The following NID2 variants were observed in gnomAD, a reference collection of about 807,000 sequenced individuals.
NID2 encodes the protein nidogen 2.
In NID2, 83 loss-of-function variants were observed where a neutral mutation model predicts 145.4. That is an observed-to-expected ratio of 0.57 (90% CI 0.48 to 0.69). The LOEUF is 0.69. NID2 is among the 30% of genes least tolerant of loss of function. The probability of loss-of-function intolerance (pLI) is 0.00; values close to 1 mark genes in which losing one functional copy is unlikely to be tolerated. For missense variants in NID2, 1,807 were observed against 1,765.7 expected, an observed-to-expected ratio of 1.02 and a Z score of -0.42; for synonymous variants, 739 against 701.3, an observed-to-expected ratio of 1.05 and a Z score of -0.85.
At chr14:52,019,429 T>C in intron 13 of NID2, 135 bp from the exon 14 acceptor site, 1 of 641,682 alleles carries the variant, frequency 1.6e-6, no homozygotes, top group Admixed American at 3.0e-5. Context: ...TATAATACCT[T>C]GCCACTATTT....
intron 8 of NID2, among the ~76,000 whole-genome samples, chr14:52,040,071 G>C (rs544478732): frequency 6.6e-6 from 1 of 152,270 alleles, no homozygotes; most frequent in East Asian, 1.9e-4. Context: ...CTCCCAAGTA[G>C]CTGGGATCGC....
intron 5 of NID2, among the ~76,000 whole-genome samples, chr14:52,045,632 T>G (rs1257795093): frequency 6.6e-6 from 1 of 150,688 alleles, no homozygotes; most frequent in African/African-American, 2.4e-5. Flanking sequence ...TGTCTATTAG[T>G]TTAAGAAAGG....
chr14:52,042,189 G>A lies in NID2; in HGVS notation c.1741C>T (p.Leu581Phe). Residue 581 changes from leucine (L) to phenylalanine (F), a missense_variant, in exon 7 of 22, where the codon CTC (leucine) becomes TTC (phenylalanine). Physicochemically the swap from Leu to Phe is conservative, Grantham distance 22 (BLOSUM62 0). Coordinates refer to ENST00000216286, the MANE Select transcript of NID2 (RefSeq NM_007361.4). Reference protein sequence around the residue: ...HIPQPAAQALLPLTPIGGLFG... With the variant: ...HIPQPAAQALFPLTPIGGLFG... ...AGGCCTCCAATTGGTGTGAGGGGGA[G>A]GAGGGCCTGGGCTGCTGGCTGTGGG... is the stretch of plus-strand genomic sequence containing the variant. 6.2e-7 allele frequency: 1 copy of A among 1,614,210 alleles called. No individual in the cohort carries two copies. The highest frequency in any genetic ancestry group is 8.5e-7 in the Non-Finnish European group (1 of 1,180,026).
chr14:52,030,567 A>AGATAAGAGAAC (rs66551436), intron 9 of NID2, among the ~76,000 whole-genome samples: 4 of 99,272 alleles, frequency 4.0e-5, no homozygotes, highest in African/African-American at 1.5e-4. Context: ...AAAGAAAGAA[A>AGATAAGAGAAC]GGAAGGAAGG....
At chr14:52,054,421 G>T in intron 3 of NID2, 100 bp from the exon 4 acceptor site, 2 of 1,206,084 alleles carry the variant, frequency 1.7e-6, no homozygotes, top group Non-Finnish European at 2.3e-6. Flanking sequence ...CGGAAAGACA[G>T]CTGGGCATGG....
chr14:52,048,329 G>C (rs969725949), intron 5 of NID2, among the ~76,000 whole-genome samples: 1 of 152,196 alleles, frequency 6.6e-6, no homozygotes, highest in Non-Finnish European at 1.5e-5. Flanking sequence ...GAGCTAGAAC[G>C]GTGCTGAGCC....
chr14:52,027,633 T>TACACAC (rs59049676), intron 11 of NID2, among the ~76,000 whole-genome samples: 15,229 of 144,090 alleles, frequency 0.11, 841 homozygotes, highest in Middle Eastern at 0.12. Flanking sequence ...GAGCAATTGC[T>TACACAC]ACACACACAC....
At position 52,015,239 on chromosome 14, in the gene NID2, C is replaced by T; in HGVS notation, c.3065G>A (p.Trp1022Ter). Residue 1022 changes from tryptophan to a stop codon, truncating the protein, a stop_gained, in exon 15 of 22, where the codon TGG (tryptophan) becomes TAG (stop). Coordinates refer to ENST00000216286, the MANE Select transcript of NID2 (RefSeq NM_007361.4). LOFTEE classifies it high-confidence loss of function. Reference protein sequence around the residue: ...TQRPPTICERWRENLLEHYGG... With the variant: ...TQRPPTICER ...GTAGTGCTCCAGCAGGTTTTCCCTC[C>T]AGCGCTCACAGATGGTCGGGGGCCT... 1 of 1,613,334 alleles carries T rather than the reference C, an allele frequency of 6.2e-7. No individual in the cohort carries two copies.
chr14:52,019,025 G>C (rs1419422720), intron 14 of NID2, 36 bp downstream of exon 14: 1 of 1,533,816 alleles, frequency 6.5e-7, no homozygotes, highest in African/African-American at 1.4e-5. Context: ...TACCACCAGT[G>C]CCATTCTGCT....
intron 5 of NID2, among the ~76,000 whole-genome samples, chr14:52,049,802 A>G (rs1892628249): frequency 6.6e-6 from 1 of 152,126 alleles, no homozygotes; most frequent in African/African-American, 2.4e-5. Flanking sequence ...CTGGCATGAC[A>G]CTAACAGGCT....
chr14:52,056,060 A>G (rs1892835928), intron 3 of NID2, among the ~76,000 whole-genome samples: 2 of 152,236 alleles, frequency 1.3e-5, no homozygotes, highest in South Asian at 4.1e-4. Context: ...TGCTATACAT[A>G]TTTGTTAAGT....
At chr14:52,040,570 G>T in intron 8 of NID2, 81 bp downstream of exon 8, 1 of 1,193,166 alleles carries the variant, frequency 8.4e-7, no homozygotes, top group Non-Finnish European at 1.3e-6. Flanking sequence ...GACATGCCAT[G>T]TAAGTCATTT....
intron 14 of NID2, 143 bp from the exon 15 acceptor site, chr14:52,015,418 C>A: frequency 1.5e-6 from 1 of 687,726 alleles, no homozygotes; most frequent in Non-Finnish European, 2.4e-6. Flanking sequence ...CCGTGGACAC[C>A]AAACTTGGGA....
chr14:52,037,042 A>C (rs1892097817), intron 9 of NID2, among the ~76,000 whole-genome samples: 1 of 152,152 alleles, frequency 6.6e-6, no homozygotes, highest in Admixed American at 6.6e-5. Flanking sequence ...TACCTAAGAA[A>C]CCATTAGCAA....
intron 12 of NID2, among the ~76,000 whole-genome samples, chr14:52,023,987 CAT>C (rs534539381): frequency 4.7e-4 from 72 of 152,232 alleles, no homozygotes; most frequent in Non-Finnish European, 9.1e-4. Context: ...CACTGAGACA[CAT>C]GTACCCTATG....
chr14:52,019,239 C>G lies in NID2; in HGVS notation c.2850G>C (p.Gln950His). 1 of 1,610,416 alleles carries G rather than the reference C, an allele frequency of 6.2e-7. No homozygotes were observed. Among genetic ancestry groups the G allele is most frequent in the Non-Finnish European group, 8.5e-7 (1 of 1,176,886 alleles). The change falls in exon 14 of 22, where the codon CAG becomes CAC. Residue 950 changes from glutamine (Q) to histidine (H), a missense_variant. Physicochemically the swap from Gln to His is conservative, Grantham distance 24 (BLOSUM62 0). Coordinates refer to ENST00000216286, the MANE Select transcript of NID2 (RefSeq NM_007361.4). ...GGAACCGGGCCCCAGGGTAGGCATA[C>G]TGGGCCTGGGCATGGCGCTGCTGTT... is the stretch of plus-strand genomic sequence containing the variant. ...CEQQQRHAQA[Q>H]YAYPGARFHI... is the part of the protein sequence containing the mutation.
At chr14:52,061,025 C>T (rs1238668602) in intron 2 of NID2, among the ~76,000 whole-genome samples, 1 of 152,164 alleles carries the variant, frequency 6.6e-6, no homozygotes, top group East Asian at 1.9e-4. Context: ...AGCTCTAGAG[C>T]CCACACCCTA....
rs1892177114 is a variant in NID2 at position 52,038,953 on chromosome 14, T to C, written c.2051A>G (p.Asp684Gly). Residue 684 changes from aspartate to glycine, a missense_variant, in exon 9 of 22, where the codon GAC (aspartate) becomes GGC (glycine). Asp to Gly is a moderately conservative substitution (Grantham distance 94). Transcript: ENST00000216286. ...GATTGCACCAAAAGTCAGAGAGTAG[T>C]CTCTGGAACTTGTAGAGGTCACAGC... The part of the protein sequence containing the change: ...DSTVTSTSSR[D>G]YSLTFGAINQ... The C allele has an allele frequency of 6.2e-7, 1 of 1,613,412 alleles. No individual in the cohort carries two copies. The highest frequency in any genetic ancestry group is 8.5e-7 in the Non-Finnish European group (1 of 1,179,768).
intron 5 of NID2, among the ~76,000 whole-genome samples, chr14:52,047,970 C>G (rs565362352): frequency 4.6e-5 from 7 of 151,814 alleles, no homozygotes; most frequent in Non-Finnish European, 1.0e-4. Flanking sequence ...CTACCAGTTC[C>G]ACTCTCTGGG....
Sources: allele counts gnomAD v4.1 joint callset (sites outside exome capture counted in the v4.1 genomes callset), GRCh38; gene constraint gnomAD v4.1.1; transcripts MANE v1.5; gene names NCBI Gene and HGNC (gene_info 2026-07-23, HGNC 2026-07-21).